The following TMEFF1 variants were observed in gnomAD, a reference collection of about 807,000 sequenced individuals.
The protein encoded by TMEFF1 is tomoregulin-1.
A neutral mutation model predicts 47.5 loss-of-function variants in TMEFF1; 20 were observed. The ratio of observed to expected loss-of-function variants is 0.42; its 90% CI spans 0.30 to 0.61. The LOEUF (loss-of-function observed/expected upper bound fraction) is 0.61, where lower values mean the gene tolerates loss of function less well. Among genes scored for constraint, TMEFF1 ranks in the 20% least tolerant of loss-of-function variants. The probability of loss-of-function intolerance (pLI) is 0.19; values close to 1 mark genes in which losing one functional copy is unlikely to be tolerated. For missense variants in TMEFF1, 411 were observed against 471.1 expected (o/e 0.87, Z 1.18); for synonymous variants, 162 against 166.3 (o/e 0.97, Z 0.20).
At chr9:100,481,971 G>A (rs201183517) in intron 1 of TMEFF1, among the ~76,000 whole-genome samples, 3 of 151,882 alleles carry the variant, frequency 2.0e-5, no homozygotes, top group East Asian at 1.9e-4. Context: ...TAGTAAAGAC[G>A]GGGTTTCACC....
rs1370264192 is a variant in TMEFF1 at position 100,513,243 on chromosome 9, A to G, written c.437-64A>G. 4 of 1,570,648 alleles carry G rather than the reference A, an allele frequency of 2.5e-6. No individual in the cohort carries two copies. The African/African-American group carries it at 5.5e-5, about 22-fold the overall frequency. On this transcript the variant is annotated intron_variant, in intron 3 of 9. Coordinates refer to ENST00000374879, the MANE Select transcript of TMEFF1 (RefSeq NM_003692.5). ...AGTTTTATTTTTGATAGGAAATTTTATTATTTGATAAGATGAAATTTCCGG... is the reference window on the plus strand; with the variant it reads ...AGTTTTATTTTTGATAGGAAATTTTGTTATTTGATAAGATGAAATTTCCGG...
At chr9:100,532,347 C>T (rs1334718517) in intron 5 of TMEFF1, among the ~76,000 whole-genome samples, 4 of 152,124 alleles carry the variant, frequency 2.6e-5, no homozygotes, top group Non-Finnish European at 5.9e-5. Context: ...ACTCATCTGA[C>T]AAAGGGCTAA....
Position 100,498,787 on chromosome 9 carries a change from C to A in TMEFF1, c.219C>A (p.Asp73Glu), listed in dbSNP as rs201169780. The stretch of plus-strand genomic sequence containing the variant: ...CAGAATTAAATGTGAGGGAGTCTGA[C>A]GTAAGAGTTTGTGATGAGTCATCAT... ...NCSELNVRES[D>E]VRVCDESSCK... The change falls in exon 2 of 10, where the codon GAC becomes GAA. Residue 73 changes from aspartate to glutamate, a missense_variant. Asp to Glu is a conservative substitution (Grantham distance 45). Coordinates refer to ENST00000374879, the MANE Select transcript of TMEFF1 (RefSeq NM_003692.5). 3 of 1,613,084 alleles carry A rather than the reference C, an allele frequency of 1.9e-6. No individual in the cohort carries two copies. The highest frequency in any genetic ancestry group is 2.5e-6 in the Non-Finnish European group (3 of 1,179,760).
rs137929534 is a variant in TMEFF1, at chr9:100,547,633, A to C, written c.561-111A>C. ...GCTTTCATCAGTGACTTAAAACAAT[A>C]TATTGACTTCTGTTACAGAAAGCAG... On this transcript the variant is annotated intron_variant, in intron 5 of 9. Transcript: ENST00000374879. 7.1e-4 allele frequency: 893 copies of C among 1,258,882 alleles called. 14 individuals are homozygous for C. The East Asian group carries it at 0.022, about 31-fold the overall frequency. 78.0% of individuals were successfully genotyped at this position (1,258,882 alleles called of 1,614,324 possible). A position where few individuals can be genotyped will look rare whatever the true frequency, so the allele number is the denominator to read the frequency against.
intron 5 of TMEFF1, among the ~76,000 whole-genome samples, chr9:100,531,726 G>A (rs1352523025): frequency 6.6e-6 from 1 of 151,982 alleles, no homozygotes; most frequent in Admixed American, 6.6e-5. Flanking sequence ...TCACAGAATT[G>A]GAAAAAACTA....
At chr9:100,494,269 A>G (rs1324064842) in intron 1 of TMEFF1, among the ~76,000 whole-genome samples, 3 of 151,490 alleles carry the variant, frequency 2.0e-5, no homozygotes, top group Non-Finnish European at 4.4e-5. Flanking sequence ...GATTCTCTTG[A>G]TAAATTTTAT....
At position 100,492,099 on chromosome 9, in the gene TMEFF1, T is replaced by A. The variant is rs188077159; in HGVS notation, c.197-6666T>A. On this transcript the variant is annotated intron_variant, in intron 1 of 9. Coordinates refer to ENST00000374879, the MANE Select transcript of TMEFF1 (RefSeq NM_003692.5). ...CGGGGTTTCATCACGTTGGCCAGGC[T>A]GGTCTTGAACTCTTGACCTCATGAT... Among the ~76,000 whole-genome samples, 319 of 152,326 alleles carry A rather than the reference T, an allele frequency of 2.1e-3. 1 individual carries two copies. The highest frequency in any genetic ancestry group is 4.0e-3 in the Non-Finnish European group (269 of 68,024).
chr9:100,525,075 G>T (rs1398488167), intron 5 of TMEFF1, among the ~76,000 whole-genome samples: 1 of 152,116 alleles, frequency 6.6e-6, no homozygotes, highest in African/African-American at 2.4e-5. Context: ...GCTGTCTATA[G>T]AGTTAAACTA....
intron 5 of TMEFF1, among the ~76,000 whole-genome samples, chr9:100,525,354 T>C (rs1016241932): frequency 3.3e-5 from 5 of 152,154 alleles, no homozygotes; most frequent in Middle Eastern, 3.4e-3. Flanking sequence ...CAGATGACCA[T>C]AAATTTTGGA....
chr9:100,511,355 C>T (rs1017302005), intron 3 of TMEFF1, among the ~76,000 whole-genome samples: 4 of 152,150 alleles, frequency 2.6e-5, no homozygotes, highest in African/African-American at 7.2e-5. Context: ...TACAAGACCT[C>T]GCCTTAACCT....
intron 4 of TMEFF1, among the ~76,000 whole-genome samples, chr9:100,514,036 A>G (rs1335696457): frequency 1.3e-5 from 2 of 152,212 alleles, no homozygotes; most frequent in Non-Finnish European, 2.9e-5. Flanking sequence ...AATCTATATC[A>G]TAGTCTAATG....
chr9:100,530,355 A>C (rs1247520349), intron 5 of TMEFF1, among the ~76,000 whole-genome samples: 1 of 152,146 alleles, frequency 6.6e-6, no homozygotes, highest in African/African-American at 2.4e-5. Flanking sequence ...TAACAAAGAA[A>C]AAAAGAGAGA....
chr9:100,505,541 T>A (rs1189873379), intron 2 of TMEFF1, among the ~76,000 whole-genome samples: 1 of 149,606 alleles, frequency 6.7e-6, no homozygotes. Flanking sequence ...TTATAACAGA[T>A]CAGACTGATT....
chr9:100,558,907 A>G (rs772255338), intron 7 of TMEFF1, among the ~76,000 whole-genome samples: 2 of 152,122 alleles, frequency 1.3e-5, no homozygotes, highest in Non-Finnish European at 2.9e-5. Flanking sequence ...ACCCTACAAG[A>G]AGTAGACATC....
intron 5 of TMEFF1, among the ~76,000 whole-genome samples, chr9:100,527,000 G>A (rs10989134): frequency 0.043 from 6,384 of 147,336 alleles, 309 homozygotes; most frequent in South Asian, 0.22. Flanking sequence ...AAAATTAGCC[G>A]GGCGTGGTGG....
chr9:100,546,500 T>C (rs1040948206), intron 5 of TMEFF1, among the ~76,000 whole-genome samples: 2 of 150,852 alleles, frequency 1.3e-5, no homozygotes, highest in Non-Finnish European at 2.9e-5. Flanking sequence ...GAGATTTGGG[T>C]AAGGACACAG....
intron 5 of TMEFF1, among the ~76,000 whole-genome samples, chr9:100,540,848 G>A (rs1213047529): frequency 6.6e-6 from 1 of 152,032 alleles, no homozygotes; most frequent in Non-Finnish European, 1.5e-5. Context: ...TTTCACATAT[G>A]TTGTTCTTAT....
chr9:100,532,490 C>T (rs1489809482), intron 5 of TMEFF1, among the ~76,000 whole-genome samples: 2 of 152,154 alleles, frequency 1.3e-5, no homozygotes, highest in African/African-American at 4.8e-5. Context: ...TGAAAAAATG[C>T]TCATCATCAC....
At chr9:100,482,713 C>G in intron 1 of TMEFF1, among the ~76,000 whole-genome samples, 1 of 152,114 alleles carries the variant, frequency 6.6e-6, no homozygotes, top group East Asian at 1.9e-4. Context: ...AGATGGAGAG[C>G]CTGTTTGGAG....
Sources: gnomAD v4.1 joint callset for allele counts (sites outside exome capture counted in the v4.1 genomes callset) on GRCh38, gnomAD v4.1.1 for gene constraint, MANE v1.5 for transcripts, NCBI Gene and HGNC (gene_info 2026-07-23, HGNC 2026-07-21) for gene names.